TTC23L: variants seen among roughly 807,000 people sequenced by gnomAD.
TTC23L encodes tetratricopeptide repeat protein 23-like.
A neutral mutation model predicts 48.1 loss-of-function variants in TTC23L; 42 were observed. That is an observed-to-expected ratio of 0.87 (90% CI 0.68 to 1.13). The LOEUF (loss-of-function observed/expected upper bound fraction) is 1.13. Ranked by LOEUF, TTC23L falls within the 50% of genes most tolerant of loss-of-function variation. The pLI, the probability that TTC23L is intolerant of heterozygous loss-of-function variation, is 0.00. For synonymous variants in TTC23L, 159 were observed against 157.2 expected, an observed-to-expected ratio of 1.01 and a Z score of -0.09; for missense variants, 391 against 421.0, an observed-to-expected ratio of 0.93 and a Z score of 0.62.
At chr5:34,904,274 A>T (rs1045017418), downstream of TTC23L, among the ~76,000 whole-genome samples, 1 of 151,220 alleles carries the variant, frequency 6.6e-6, no homozygotes, top group African/African-American at 2.4e-5. Flanking sequence ...CTAGCTCAAT[A>T]AACATTTTTT....
At chr5:34,862,842 T>G in intron 4 of TTC23L, 56 bp from the exon 5 acceptor site, 1 of 1,600,836 alleles carries the variant, frequency 6.2e-7, no homozygotes, top group Middle Eastern at 1.7e-4. Context: ...TGTTTTTGAC[T>G]GAAGCATGCC....
the TTC23L span, chr5:34,925,330 A>ACTCTG: frequency 1.2e-6 from 2 of 1,614,002 alleles, no homozygotes; most frequent in South Asian, 2.2e-5. Flanking sequence ...CTCTTCTTCC[A>ACTCTG]CATGATCCCA....
At chr5:34,925,205 ATC>A in the TTC23L span, 1 of 1,455,042 alleles carries the variant, frequency 6.9e-7, no homozygotes. Flanking sequence ...AAAGCATCTA[ATC>A]TTTTTTTTTT....
chr5:34,843,949 C>T (rs4703479), intron 2 of TTC23L, among the ~76,000 whole-genome samples: 37,897 of 151,968 alleles, frequency 0.25, 4,839 homozygotes, highest in Middle Eastern at 0.32. Context: ...AGAAACAAAC[C>T]AAAGAAACAA....
chr5:34,858,052 T>C lies in TTC23L; in HGVS notation c.380-4846T>C, dbSNP rs150485445. Among the ~76,000 whole-genome samples the C allele has an allele frequency of 4.7e-4, 72 of 152,272 alleles. 3 individuals are homozygous for C. The East Asian group carries it at 0.012, about 26-fold the overall frequency. On this transcript the variant is annotated intron_variant, in intron 4 of 10. Transcript: ENST00000505624. ...AATCCCAACCCAAACTAAAGCAAAA[T>C]GATTGATATGTTTGTTGGACAATCT...
the TTC23L span, chr5:34,906,745 C>CT: frequency 6.6e-6 from 1 of 152,192 alleles, no homozygotes; most frequent in Non-Finnish European, 1.5e-5. Flanking sequence ...ATTGGAGAGT[C>CT]TTTCATCTAA....
the TTC23L span, chr5:34,921,330 T>C: frequency 6.6e-6 from 1 of 152,226 alleles, no homozygotes; most frequent in African/African-American, 2.4e-5. Flanking sequence ...CTTAGGCTTT[T>C]CACCCAATCC....
chr5:34,907,633 C>T, the TTC23L span: 1 of 152,148 alleles, frequency 6.6e-6, no homozygotes, highest in Non-Finnish European at 1.5e-5. Context: ...TCAAGAAACT[C>T]ATAAGCAAAT....
chr5:34,889,387 G>T (rs961576829), intron 9 of TTC23L, among the ~76,000 whole-genome samples: 4 of 152,174 alleles, frequency 2.6e-5, no homozygotes, highest in African/African-American at 9.7e-5. Flanking sequence ...GTGCATTGCT[G>T]CTGAGAGTTA....
chr5:34,841,991 G>A (rs1216896569), intron 2 of TTC23L, among the ~76,000 whole-genome samples: 1 of 152,166 alleles, frequency 6.6e-6, no homozygotes, highest in Non-Finnish European at 1.5e-5. Flanking sequence ...GTTGTGACAA[G>A]CAAAAATGTC....
At chr5:34,903,370 G>C (rs1451542488), downstream of TTC23L, among the ~76,000 whole-genome samples, 1 of 152,104 alleles carries the variant, frequency 6.6e-6, no homozygotes, top group Non-Finnish European at 1.5e-5. Flanking sequence ...GGGAAAGCTA[G>C]AGATTTCCCA....
intron 9 of TTC23L, among the ~76,000 whole-genome samples, chr5:34,893,775 C>A (rs1763024307): frequency 6.8e-6 from 1 of 146,944 alleles, no homozygotes; most frequent in Non-Finnish European, 1.5e-5. Context: ...CTGAAAAAGT[C>A]CTTGAGAATT....
chr5:34,875,853 C>A (rs901621729), intron 8 of TTC23L, among the ~76,000 whole-genome samples: 1 of 152,132 alleles, frequency 6.6e-6, no homozygotes, highest in Non-Finnish European at 1.5e-5. Context: ...TTCCCAAGCT[C>A]ACATGGAACA....
chr5:34,885,900 G>A (rs1762513841), intron 9 of TTC23L, among the ~76,000 whole-genome samples: 1 of 152,080 alleles, frequency 6.6e-6, no homozygotes, highest in African/African-American at 2.4e-5. Flanking sequence ...TGGCAAAATT[G>A]TAGCAATGTG....
chr5:34,855,133 A>G lies in TTC23L; in HGVS notation c.379+4825A>G, dbSNP rs561273671. Among the ~76,000 whole-genome samples the G allele has an allele frequency of 6.0e-5, 9 of 150,984 alleles. No individual in the cohort carries two copies. In the South Asian group the frequency reaches 1.9e-3, roughly 32 times the overall value. On this transcript the variant is annotated intron_variant, in intron 4 of 10. Coordinates refer to ENST00000505624, the Ensembl canonical transcript of TTC23L. The stretch of plus-strand genomic sequence containing the variant: ...GCAGCCTTGTCTGGCTAAGGTTAGG[A>G]CTGGTAAGATGAACCTGGAAAGGAG...
At chr5:34,845,924 C>CA (rs1759082156) in intron 3 of TTC23L, among the ~76,000 whole-genome samples, 1 of 152,138 alleles carries the variant, frequency 6.6e-6, no homozygotes, top group Non-Finnish European at 1.5e-5. Flanking sequence ...AGGCCAGGTG[C>CA]AGTGGCTCAT....
chr5:34,913,631 A>T, the TTC23L span: 1 of 1,080,608 alleles, frequency 9.3e-7, no homozygotes, highest in Non-Finnish European at 1.4e-6. Flanking sequence ...AAAACTAATA[A>T]TATAAGGTCC....
chr5:34,858,581 T>A (rs1282962317), intron 4 of TTC23L, among the ~76,000 whole-genome samples: 1 of 152,056 alleles, frequency 6.6e-6, no homozygotes, highest in Non-Finnish European at 1.5e-5. Context: ...AAGCAAACAA[T>A]CAATTACTTT....
chr5:34,895,974 G>T (rs1368404577), intron 9 of TTC23L, among the ~76,000 whole-genome samples: 1 of 152,160 alleles, frequency 6.6e-6, no homozygotes, highest in Non-Finnish European at 1.5e-5. Context: ...GCCAAACCTT[G>T]GTATGAGTGA....
Sources: gnomAD v4.1 joint callset for allele counts (sites outside exome capture counted in the v4.1 genomes callset) on GRCh38, gnomAD v4.1.1 for gene constraint, MANE v1.5 for transcripts, NCBI Gene and HGNC (gene_info 2026-07-23, HGNC 2026-07-21) for gene names.